Variants in RP1 observed in about 807,000 individuals in gnomAD.
RP1 encodes the protein RP1 axonemal microtubule associated.
RP1 carries 16 observed loss-of-function variants against 14.8 expected under a neutral mutation model. The ratio of observed to expected loss-of-function variants is 1.08; its 90% CI spans 0.73 to 1.65. The LOEUF is 1.65. Among genes scored for constraint, RP1 ranks in the 40% most tolerant of loss-of-function variants. The pLI, the probability that RP1 is intolerant of heterozygous loss-of-function variation, is 0.00. For missense variants in RP1, 2,631 were observed against 2,535.0 expected (o/e 1.04, Z -0.81); for synonymous variants, 876 against 883.6 (o/e 0.99, Z 0.15).
At chr8:54,717,753 G>C (rs1420619265) in intron 15 of RP1, among the ~76,000 whole-genome samples, 1 of 152,010 alleles carries the variant, frequency 6.6e-6, no homozygotes, top group Non-Finnish European at 1.5e-5. Context: ...CAATAAGACA[G>C]AAAAAGGAAA....
chr8:54,841,093 T>A (rs1010250989), intron 25 of RP1, among the ~76,000 whole-genome samples: 2 of 152,190 alleles, frequency 1.3e-5, no homozygotes, highest in Non-Finnish European at 2.9e-5. Context: ...CTGAGTACCA[T>A]CTTTTGGAAA....
intron 1 of RP1, among the ~76,000 whole-genome samples, chr8:54,599,483 G>C (rs1805224179): frequency 6.6e-6 from 1 of 151,136 alleles, no homozygotes; most frequent in African/African-American, 2.4e-5. Flanking sequence ...TTTTGAGACA[G>C]GGTCTCACTC....
exon 23 of RP1, chr8:54,769,766 A>G: frequency 6.5e-7 from 1 of 1,533,782 alleles, no homozygotes. Context: ...GTCTCAGGGC[A>G]TAATTCATTC....
chr8:54,610,559 G>A (rs960067507), intron 1 of RP1, among the ~76,000 whole-genome samples: 3 of 152,118 alleles, frequency 2.0e-5, no homozygotes, highest in Non-Finnish European at 4.4e-5. Context: ...TGTCTAATAT[G>A]CTTTTCAAGG....
rs192162701 is a variant in RP1 at position 54,778,917 on chromosome 8, C to T, written c.3452-4630C>T. ...GCATACCAATCTATATGTAATATTA[C>T]GTCAGCATGGATGTAATGATAGAGA... On this transcript the variant is annotated intron_variant, in intron 23 of 28. Transcript: ENST00000637698. Among the ~76,000 whole-genome samples, 4 of 152,188 alleles carry T rather than the reference C, an allele frequency of 2.6e-5. No homozygotes were observed. The East Asian group carries it at 5.8e-4, about 22-fold the overall frequency.
chr8:54,649,141 T>C, exon 4 of RP1: 1 of 1,488,854 alleles, frequency 6.7e-7, no homozygotes, highest in South Asian at 1.3e-5. Context: ...CATGAAGACA[T>C]ATTTACTGTA....
chr8:54,746,634 T>C (rs1478751824), intron 19 of RP1, among the ~76,000 whole-genome samples: 1 of 152,188 alleles, frequency 6.6e-6, no homozygotes, highest in Non-Finnish European at 1.5e-5. Context: ...TAAATAAAAC[T>C]AATAATTGTT....
intron 7 of RP1, among the ~76,000 whole-genome samples, chr8:54,665,481 C>T (rs1457948475): frequency 2.6e-5 from 4 of 152,180 alleles, no homozygotes; most frequent in African/African-American, 9.7e-5. Context: ...AGAAGTCAGT[C>T]TCTTGAGAAG....
chr8:54,833,101 T>C (rs1811572106), intron 24 of RP1, among the ~76,000 whole-genome samples: 1 of 152,000 alleles, frequency 6.6e-6, no homozygotes, highest in Admixed American at 6.6e-5. Context: ...TTGACTGGCA[T>C]TTACATGCAG....
At chr8:54,846,475 C>T (rs183741126) in intron 25 of RP1, among the ~76,000 whole-genome samples, 713 of 152,212 alleles carry the variant, frequency 4.7e-3, no homozygotes, top group Non-Finnish European at 7.5e-3. Flanking sequence ...GTAGTAGTTC[C>T]AAGACTGTAT....
rs143449590 is a variant in RP1, at chr8:54,847,428, A to C, written c.3836-5146A>C. Among the ~76,000 whole-genome samples, 735 of 152,280 alleles carry C rather than the reference A, an allele frequency of 4.8e-3. 6 individuals carry two copies. Among genetic ancestry groups the C allele is most frequent in the African/African-American group, 0.017 (692 of 41,566 alleles). ...GAAGAAAAGTCTCAGCTACAATCTC[A>C]TAATTGTATCCTGATATGTTTGCCA... is the stretch of plus-strand genomic sequence containing the variant. On this transcript the variant is annotated intron_variant, in intron 25 of 28. Coordinates refer to the RP1 transcript ENST00000637698.
chr8:54,567,249 C>T lies in RP1; in HGVS notation c.-13+7929C>T, dbSNP rs140229134. On this transcript the variant is annotated intron_variant, in intron 1 of 22. Transcript: ENST00000636932. ...GACATGTTTGTCAGTCTCTCAGTCG[C>T]GGAATGTGCACTGTTACCATCAGCT... Among the ~76,000 whole-genome samples the T allele has an allele frequency of 4.1e-3, 621 of 152,300 alleles. 2 individuals are homozygous for T. The highest frequency in any genetic ancestry group is 6.8e-3 in the Middle Eastern group (2 of 294).
chr8:54,585,661 C>A (rs867795537), intron 1 of RP1, among the ~76,000 whole-genome samples: 1 of 152,326 alleles, frequency 6.6e-6, no homozygotes, highest in Middle Eastern at 3.4e-3. Context: ...GGTCTTTTCA[C>A]ATAGTCCTAT....
chr8:54,719,643 C>A (rs148554191), intron 15 of RP1, among the ~76,000 whole-genome samples: 1 of 152,268 alleles, frequency 6.6e-6, no homozygotes, highest in East Asian at 1.9e-4. Context: ...TTTTCCTCTA[C>A]AGTCTTTGCA....
chr8:54,574,625 T>C (rs2129294253), intron 1 of RP1, among the ~76,000 whole-genome samples: 1 of 152,040 alleles, frequency 6.6e-6, no homozygotes, highest in Middle Eastern at 3.4e-3. Flanking sequence ...GAAGATTGTC[T>C]AAGAAATCTG....
At chr8:54,610,279 C>A (rs1394673996) in intron 1 of RP1, among the ~76,000 whole-genome samples, 1 of 152,124 alleles carries the variant, frequency 6.6e-6, no homozygotes, top group Non-Finnish European at 1.5e-5. Flanking sequence ...GCACCTTTTC[C>A]TCATAAACTC....
chr8:54,625,364 C>T lies in RP1; in HGVS notation c.1482C>T (p.Asn494=), dbSNP rs756192112. 5.6e-6 allele frequency: 9 copies of T among 1,614,072 alleles called. No individual in the cohort carries two copies. The South Asian group carries it at 8.8e-5, about 16-fold the overall frequency. Reference sequence around the variant, plus strand: ...GTGAAGAAAGGGAAAGTGGGGAAAACAAGTCTGAGTATCACATGTTTACAC... The same window carrying T: ...GTGAAGAAAGGGAAAGTGGGGAAAATAAGTCTGAGTATCACATGTTTACAC... The part of the protein sequence containing the change: ...SYSEERESGE[N]KSEYHMFTHS... Residue 494 remains asparagine (N), a synonymous_variant, in exon 4 of 4, where the codon AAC becomes AAT. Coordinates refer to ENST00000220676, the MANE Select transcript of RP1 (RefSeq NM_006269.2).
downstream of RP1, among the ~76,000 whole-genome samples, chr8:54,634,550 T>C (rs1806311953): frequency 1.3e-5 from 2 of 152,224 alleles, no homozygotes; most frequent in Admixed American, 6.5e-5. Flanking sequence ...CATTTCAAGG[T>C]ATTTCACAGT....
At position 54,712,180 on chromosome 8, in the gene RP1, G is replaced by C. The variant is rs2129347047; in HGVS notation, c.2211+5525G>C. On this transcript the variant is annotated intron_variant, in intron 15 of 22. Transcript: ENST00000636932. The stretch of plus-strand genomic sequence containing the variant: ...CTGGTTCCTGGGAGAAGAAGCAAGA[G>C]GAATTCTAGTTTCTGTGGCCTACAT... 1.3e-5 allele frequency among the ~76,000 whole-genome samples: 2 copies of C among 152,274 alleles called. 1 individual carries two copies. The highest frequency in any genetic ancestry group is 4.1e-4 in the South Asian group (2 of 4,822).
Sources: allele counts gnomAD v4.1 joint callset (sites outside exome capture counted in the v4.1 genomes callset), GRCh38; gene constraint gnomAD v4.1.1; transcripts MANE v1.5; gene names NCBI Gene and HGNC (gene_info 2026-07-23, HGNC 2026-07-21).